Variants in PRPF31 observed in about 807,000 individuals in gnomAD.
PRPF31 encodes pre-mRNA processing factor 31, also known as U4/U6 small nuclear ribonucleoprotein Prp31.
Under a neutral mutation model 60.4 loss-of-function variants are expected in PRPF31, and 12 were observed. The ratio of observed to expected loss-of-function variants is 0.20; its 90% CI spans 0.13 to 0.32. PRPF31 has a LOEUF of 0.32. Ranked by LOEUF, PRPF31 falls within the 10% of genes least tolerant of loss-of-function variation. The pLI, the probability that PRPF31 is intolerant of heterozygous loss-of-function variation, is 1.00. For synonymous variants in PRPF31, 287 were observed against 287.9 expected (o/e 1.00, Z 0.03); for missense variants, 431 against 687.1 (o/e 0.63, Z 4.17).
rs368977441 is a variant in PRPF31 at position 54,123,749 on chromosome 19, G to A, written c.528G>A (p.Gly176=). 69 of 1,608,818 alleles carry A rather than the reference G, an allele frequency of 4.3e-5. No homozygotes were observed. In the Middle Eastern group the frequency reaches 6.6e-4, roughly 15 times the overall value. The change falls in exon 7 of 14, where the codon GGG becomes GGA. Residue 176 remains glycine, a splice_region_variant and synonymous_variant. Coordinates refer to ENST00000321030, the MANE Select transcript of PRPF31 (RefSeq NM_015629.4). The part of the protein sequence containing the change: ...VVSVTASTTQ[G]QQLSEEELER... ...AGGCTGGGCCCACCCGCCCCTGCAG[G>A]CAGCAGCTGTCGGAGGAGGAGCTGG...
intron 1 of PRPF31, among the ~76,000 whole-genome samples, chr19:54,117,052 G>A (rs1026190443): frequency 7.9e-5 from 12 of 152,044 alleles, no homozygotes; most frequent in African/African-American, 2.4e-4. Flanking sequence ...CTATGATGGC[G>A]CCACTGCACT....
chr19:54,127,498 C>T (rs760104988), intron 9 of PRPF31, among the ~76,000 whole-genome samples: 5 of 151,624 alleles, frequency 3.3e-5, no homozygotes, highest in African/African-American at 1.2e-4. Context: ...TTCTTAACCT[C>T]TTCACGTCCC....
intron 3 of PRPF31, 34 bp downstream of exon 3, chr19:54,118,667 C>G (rs1258592795): frequency 1.2e-6 from 2 of 1,608,858 alleles, no homozygotes; most frequent in Admixed American, 1.7e-5. Flanking sequence ...CTCCCCATCT[C>G]CTGTCTCTCC....
chr19:54,129,534 A>C (rs1330795092), intron 13 of PRPF31, among the ~76,000 whole-genome samples, 164 bp downstream of exon 13: 1 of 149,548 alleles, frequency 6.7e-6, no homozygotes, highest in Non-Finnish European at 1.5e-5. Flanking sequence ...GCACACAGGA[A>C]GAGGTTAGCA....
At chr19:54,116,487 T>C (rs2073643422) in intron 1 of PRPF31, among the ~76,000 whole-genome samples, 1 of 152,212 alleles carries the variant, frequency 6.6e-6, no homozygotes, top group Admixed American at 6.5e-5. Context: ...ATTACAGGCA[T>C]GAGCCACCGC....
At chr19:54,125,395 C>G (rs1472352114) in intron 8 of PRPF31, 1 of 152,720 alleles carries the variant, frequency 6.5e-6, no homozygotes. Context: ...ACTTGGGAGG[C>G]TGAGGCAGGA....
intron 8 of PRPF31, chr19:54,125,369 A>G (rs587705258): frequency 1.3e-5 from 2 of 153,450 alleles, no homozygotes; most frequent in South Asian, 4.1e-4. Flanking sequence ...AGTGGCACAC[A>G]CTTATAATCC....
chr19:54,124,378 A>G lies in PRPF31; in HGVS notation c.698-121A>G. ...GCCCGCCTGGCAGGGCCATCGAGGAATCCAACCAGAACTTCATGTAAAGGT... is the reference window on the plus strand; with the variant it reads ...GCCCGCCTGGCAGGGCCATCGAGGAGTCCAACCAGAACTTCATGTAAAGGT... On this transcript the variant is annotated intron_variant, in intron 7 of 13. Transcript: ENST00000321030. The G allele has an allele frequency of 3.1e-6, 3 of 970,678 alleles. No homozygotes were observed. The Admixed American group carries it at 5.2e-5, about 17-fold the overall frequency. 60.1% of individuals were successfully genotyped at this position (970,678 alleles called of 1,614,324 possible). A position where few individuals can be genotyped will look rare whatever the true frequency, so the allele number is the denominator to read the frequency against.
Position 54,131,700 on chromosome 19 carries a change from G to C in PRPF31, c.*268G>C, listed in dbSNP as rs2074051401. On this transcript the variant is annotated 3_prime_UTR_variant, in exon 14 of 14. Transcript: ENST00000321030. Reference sequence around the variant, plus strand: ...TTTTTTGAAAAGAGTACAATTAAAAGGACATTGTCAAGATCTGTCCTTGGG... The same window carrying C: ...TTTTTTGAAAAGAGTACAATTAAAACGACATTGTCAAGATCTGTCCTTGGG... 1.1e-5 allele frequency: 6 copies of C among 564,190 alleles called. No homozygotes were observed. Among genetic ancestry groups the C allele is most frequent in the African/African-American group, 5.6e-5 (3 of 53,198 alleles). 34.9% of individuals were successfully genotyped at this position (564,190 alleles called of 1,614,324 possible). A position where few individuals can be genotyped will look rare whatever the true frequency, so the allele number is the denominator to read the frequency against.
At chr19:54,125,136 G>A (rs1463443104) in intron 8 of PRPF31, 2 of 227,946 alleles carry the variant, frequency 8.8e-6, no homozygotes, top group East Asian at 1.2e-4. Context: ...GAGCTTCCCG[G>A]GTCCTCTCCC....
chr19:54,119,395 AT>A (rs1220755906), intron 3 of PRPF31: 6 of 151,034 alleles, frequency 4.0e-5, no homozygotes, highest in East Asian at 1.9e-4. Flanking sequence ...AAAAAAAAAA[AT>A]AACCTAAAAC....
At chr19:54,123,610 G>T (rs2073845854) in intron 6 of PRPF31, 50 bp downstream of exon 6, 1 of 1,609,350 alleles carries the variant, frequency 6.2e-7, no homozygotes, top group Non-Finnish European at 8.5e-7. Flanking sequence ...TTGGGGATTA[G>T]GCTGGAGCTA....
chr19:54,129,929 T>C (rs1164130100), intron 13 of PRPF31, among the ~76,000 whole-genome samples: 1 of 152,102 alleles, frequency 6.6e-6, no homozygotes, highest in Admixed American at 6.5e-5. Context: ...CAGCACCTGC[T>C]GAGTTCTGTC....
intron 5 of PRPF31, chr19:54,122,883 G>A (rs1339412946): frequency 5.3e-6 from 3 of 563,088 alleles, no homozygotes; most frequent in Admixed American, 3.0e-5. Context: ...GGTTGACACA[G>A]GGCAGGCACA....
At chr19:54,119,299 G>A (rs1053965724) in intron 3 of PRPF31, among the ~76,000 whole-genome samples, 9 of 151,642 alleles carry the variant, frequency 5.9e-5, no homozygotes, top group South Asian at 2.1e-4. Flanking sequence ...GGAGAATGGC[G>A]TGAACCTGGG....
chr19:54,121,257 CATGCCACT>C (rs1342497036), intron 3 of PRPF31, among the ~76,000 whole-genome samples: 1 of 149,826 alleles, frequency 6.7e-6, no homozygotes, highest in Non-Finnish European at 1.5e-5. Flanking sequence ...GAGCTGAGAT[CATGCCACT>C]ATACTCTAGC....
intron 3 of PRPF31, chr19:54,120,487 G>GAGCATC (rs1463533093): frequency 6.6e-6 from 1 of 152,240 alleles, no homozygotes; most frequent in Non-Finnish European, 1.5e-5. Context: ...AGAGCCATTT[G>GAGCATC]AGCATCAGGG....
At chr19:54,130,267 TAGG>T (rs1170525116) in intron 13 of PRPF31, among the ~76,000 whole-genome samples, 2 of 131,526 alleles carry the variant, frequency 1.5e-5, no homozygotes, top group Non-Finnish European at 3.3e-5. Flanking sequence ...ATGTCCAGTG[TAGG>T]AGAAGGCAGA....
chr19:54,117,342 G>A (rs2073672897), intron 1 of PRPF31, among the ~76,000 whole-genome samples: 1 of 152,140 alleles, frequency 6.6e-6, no homozygotes, highest in African/African-American at 2.4e-5. Context: ...GCTGGGGAGA[G>A]GGGCTTAAAA....
Sources: gnomAD v4.1 joint callset for allele counts (sites outside exome capture counted in the v4.1 genomes callset) on GRCh38, gnomAD v4.1.1 for gene constraint, MANE v1.5 for transcripts, NCBI Gene and HGNC (gene_info 2026-07-23, HGNC 2026-07-21) for gene names.